Variants in ATXN7 observed in about 807,000 individuals in gnomAD.
The protein encoded by ATXN7 is ataxin 7, also known as ataxin-7.
A neutral mutation model predicts 70.5 loss-of-function variants in ATXN7; 12 were observed. The ratio of observed to expected loss-of-function variants is 0.17; its 90% confidence interval spans 0.11 to 0.28. The LOEUF (loss-of-function observed/expected upper bound fraction) is 0.28, where lower values mean the gene tolerates loss of function less well. Among genes scored for constraint, ATXN7 ranks in the 10% least tolerant of loss-of-function variants. The pLI, the probability that ATXN7 is intolerant of heterozygous loss-of-function variation, is 1.00. For missense variants in ATXN7, 1,256 were observed against 1,131.7 expected (o/e 1.11, Z -1.58); for synonymous variants, 498 against 448.7 (o/e 1.11, Z -1.39).
intron 5 of ATXN7, among the ~76,000 whole-genome samples, chr3:63,966,830 A>C (rs1182349119): frequency 6.6e-6 from 1 of 152,218 alleles, no homozygotes; most frequent in Admixed American, 6.5e-5. Context: ...GATTCTGTAG[A>C]AGAATCTTTT....
chr3:63,963,823 C>A (rs1253361603), intron 5 of ATXN7, among the ~76,000 whole-genome samples: 1 of 152,164 alleles, frequency 6.6e-6, no homozygotes, highest in Non-Finnish European at 1.5e-5. Flanking sequence ...CACTCTGGTA[C>A]ATACATACTT....
Position 63,984,873 on chromosome 3 carries a change from C to T in ATXN7, c.1095+1852C>T, listed in dbSNP as rs913629785. Among the ~76,000 whole-genome samples, 7 of 152,130 alleles carry T rather than the reference C, an allele frequency of 4.6e-5. No homozygotes were observed. The East Asian group carries it at 5.8e-4, about 13-fold the overall frequency. On this transcript the variant is annotated intron_variant, in intron 8 of 12. Coordinates refer to ENST00000674280, the MANE Select transcript of ATXN7 (RefSeq NM_001377405.1). The stretch of plus-strand genomic sequence containing the variant: ...TAGATCTCATATAAGTGGAATCATG[C>T]GGTGTTTAGTCATTATGTGACTGGG...
chr3:63,982,100 C>T (rs1262209695), intron 6 of ATXN7, 86 bp from the exon 7 acceptor site: 1 of 1,579,020 alleles, frequency 6.3e-7, no homozygotes, highest in East Asian at 2.2e-5. Flanking sequence ...TAGGCCCAGG[C>T]TCTATCCTCA....
At chr3:63,962,397 C>G (rs927697602) in intron 5 of ATXN7, among the ~76,000 whole-genome samples, 1 of 151,630 alleles carries the variant, frequency 6.6e-6, no homozygotes, top group African/African-American at 2.4e-5. Context: ...TTAAAAAGGT[C>G]GTTAGAACTT....
chr3:63,913,758 A>C (rs1171291104), intron 4 of ATXN7, among the ~76,000 whole-genome samples: 7 of 152,160 alleles, frequency 4.6e-5, no homozygotes, highest in African/African-American at 1.7e-4. Flanking sequence ...CGGGGGAAAG[A>C]AAGCCAGAAT....
At chr3:63,953,958 T>C (rs912923308) in intron 5 of ATXN7, among the ~76,000 whole-genome samples, 1 of 152,188 alleles carries the variant, frequency 6.6e-6, no homozygotes, top group Non-Finnish European at 1.5e-5. Flanking sequence ...AGAGACGTTT[T>C]AAAGTTAGAA....
intron 6 of ATXN7, 161 bp downstream of exon 6, chr3:63,980,328 A>G (rs2075464907): frequency 3.9e-6 from 4 of 1,018,496 alleles, no homozygotes; most frequent in Non-Finnish European, 5.6e-6. Context: ...CTGTCATGTC[A>G]TAGGAAACTT....
intron 6 of ATXN7, 163 bp downstream of exon 6, chr3:63,980,330 AG>A (rs1207204845): frequency 7.6e-5 from 77 of 1,011,860 alleles, no homozygotes; most frequent in Non-Finnish European, 1.1e-4. Flanking sequence ...GTCATGTCAT[AG>A]GAAACTTTTC....
chr3:63,912,708 A>AGCAGCC lies in ATXN7; in HGVS notation c.115_116insCGCAGC (p.Gln38_Gln39insProGln), dbSNP rs2107296660. On this transcript the variant is annotated inframe_insertion, in exon 3 of 13. Coordinates refer to ENST00000674280, the MANE Select transcript of ATXN7 (RefSeq NM_001377405.1). The stretch of plus-strand genomic sequence containing the variant: ...CGGCAGCAGCAGCAGCAGCAGCAGC[A>AGCAGCC]GCAGCAGCCGCCGCCTCCGCAGCCC... The AGCAGCC allele has an allele frequency of 2.5e-6, 3 of 1,197,692 alleles. No homozygotes were observed. In the Admixed American group the frequency reaches 1.2e-4, roughly 46 times the overall value. 74.2% of individuals were successfully genotyped at this position (1,197,692 alleles called of 1,614,324 possible). A position where few individuals can be genotyped will look rare whatever the true frequency, so the allele number is the denominator to read the frequency against.
chr3:63,864,969 G>A (rs1702363609), intron 1 of ATXN7: 1 of 152,180 alleles, frequency 6.6e-6, no homozygotes, highest in Non-Finnish European at 1.5e-5. Context: ...GATACGATTA[G>A]CACCAGGATC....
intron 12 of ATXN7, 145 bp from the exon 13 acceptor site, chr3:63,999,305 A>T: frequency 4.5e-6 from 3 of 665,978 alleles, no homozygotes; most frequent in Non-Finnish European, 7.9e-6. Context: ...CAAAATCTAT[A>T]GCTGACTGTT....
intron 5 of ATXN7, among the ~76,000 whole-genome samples, chr3:63,958,388 A>G (rs774511249): frequency 2.0e-5 from 3 of 152,212 alleles, no homozygotes; most frequent in South Asian, 2.1e-4. Context: ...TGTTAGTACT[A>G]TAAGAGAAAA....
chr3:63,993,849 A>C (rs902426593), intron 11 of ATXN7, among the ~76,000 whole-genome samples: 2 of 152,096 alleles, frequency 1.3e-5, no homozygotes, highest in Non-Finnish European at 2.9e-5. Context: ...CCTGGACTTC[A>C]TTTAGAGCAG....
chr3:63,884,062 T>C (rs1702997585), intron 1 of ATXN7, among the ~76,000 whole-genome samples: 1 of 152,180 alleles, frequency 6.6e-6, no homozygotes. Context: ...AATTTTAAAG[T>C]GTCAAACATT....
At position 63,988,267 on chromosome 3, in the gene ATXN7, C is replaced by A; in HGVS notation, c.1304C>A (p.Ser435Tyr). ...CAAAACCCTCACGGAGTGATTCCTT[C>A]CGAATCAAAGCCTTTTGTAGCTAGT... Reference protein sequence around the residue: ...PHQNPHGVIPSESKPFVASKP... With the variant: ...PHQNPHGVIPYESKPFVASKP... Residue 435 changes from serine (S) to tyrosine (Y), a missense_variant, in exon 9 of 13, where the codon TCC (serine) becomes TAC (tyrosine). Ser to Tyr is a moderately radical substitution (Grantham distance 144). Coordinates refer to ENST00000674280, the MANE Select transcript of ATXN7 (RefSeq NM_001377405.1). The A allele has an allele frequency of 1.2e-6, 2 of 1,614,106 alleles. No homozygotes were observed. Among genetic ancestry groups the A allele is most frequent in the Non-Finnish European group, 1.7e-6 (2 of 1,180,028 alleles).
rs568317993 is a variant in ATXN7, at chr3:63,895,822, G to GT, written c.-110-2571dup. On this transcript the variant is annotated intron_variant, in intron 1 of 12. Coordinates refer to ENST00000674280, the MANE Select transcript of ATXN7 (RefSeq NM_001377405.1). ...CTCTGTGTCTCTCTCTCTCTTTCTT[G>GT]TTTTTTCTCCTGGGGGAAACGGGAG... Among the ~76,000 whole-genome samples, 10 of 144,068 alleles carry GT rather than the reference G, an allele frequency of 6.9e-5. No homozygotes were observed. In the South Asian group the frequency reaches 2.2e-3, roughly 32 times the overall value. The allele number at this position is 144,068 out of a possible 152,430, so 94.5% of individuals were successfully genotyped here.
rs761556517 is a variant in ATXN7, at chr3:63,979,980, T to C, written c.565T>C (p.Phe189Leu). The change falls in exon 6 of 13, where the codon TTC (phenylalanine) becomes CTC (leucine). Residue 189 changes from phenylalanine (F) to leucine (L), a missense_variant. Coordinates refer to ENST00000674280, the MANE Select transcript of ATXN7 (RefSeq NM_001377405.1). ...AVPPTSVFSF[F>L]PSLSKSKGGS... is the part of the protein sequence containing the mutation. ...TCCTCCCACTTCAGTATTTTCCTTCTTCCCTTCTCTGTCCAAAAGCAAAGG... is the reference window on the plus strand; with the variant it reads ...TCCTCCCACTTCAGTATTTTCCTTCCTCCCTTCTCTGTCCAAAAGCAAAGG... 3.7e-6 allele frequency: 6 copies of C among 1,614,232 alleles called. No individual in the cohort carries two copies. The highest frequency in any genetic ancestry group is 5.1e-6 in the Non-Finnish European group (6 of 1,180,038).
intron 4 of ATXN7, among the ~76,000 whole-genome samples, chr3:63,945,211 A>G (rs892127140): frequency 5.3e-5 from 8 of 152,210 alleles, no homozygotes; most frequent in Non-Finnish European, 1.0e-4. Flanking sequence ...TGTTAACTGT[A>G]TTTTAGACAC....
chr3:63,997,518 C>G (rs1334224903), intron 12 of ATXN7: 1 of 957,550 alleles, frequency 1.0e-6, no homozygotes, highest in Non-Finnish European at 1.6e-6. Context: ...TTTGTCTCGT[C>G]CCAGCTCTTC....
Sources: allele counts gnomAD v4.1 joint callset (sites outside exome capture counted in the v4.1 genomes callset), GRCh38; gene constraint gnomAD v4.1.1; transcripts MANE v1.5; gene names NCBI Gene and HGNC (gene_info 2026-07-23, HGNC 2026-07-21).